The following FAM13C variants were observed in gnomAD, a reference collection of about 807,000 sequenced individuals.
FAM13C encodes the protein family with sequence similarity 13 member C, also known as protein FAM13C.
A neutral mutation model predicts 73.2 loss-of-function variants in FAM13C; 37 were observed. That is an observed-to-expected ratio of 0.51 (90% CI 0.39 to 0.67). FAM13C has a LOEUF of 0.67. Among genes scored for constraint, FAM13C ranks in the 30% least tolerant of loss-of-function variants. The probability of loss-of-function intolerance (pLI) is 0.00; values close to 1 mark genes in which losing one functional copy is unlikely to be tolerated. For synonymous variants in FAM13C, 246 were observed against 260.9 expected (o/e 0.94, Z 0.55); for missense variants, 589 against 715.6 (o/e 0.82, Z 2.02).
At chr10:59,259,740 G>A (rs1438953435) in intron 10 of FAM13C, among the ~76,000 whole-genome samples, 1 of 152,126 alleles carries the variant, frequency 6.6e-6, no homozygotes, top group African/African-American at 2.4e-5. Flanking sequence ...TAATAGAAAT[G>A]ATTGGCATTT....
chr10:59,355,811 G>T, intron 2 of FAM13C, 76 bp downstream of exon 2: 2 of 1,289,502 alleles, frequency 1.6e-6, no homozygotes, highest in Non-Finnish European at 2.3e-6. Context: ...GAAGAGACTA[G>T]AATTCAAAGG....
At chr10:59,296,080 A>G (rs187132144) in intron 5 of FAM13C, among the ~76,000 whole-genome samples, 1 of 152,352 alleles carries the variant, frequency 6.6e-6, no homozygotes, top group Non-Finnish European at 1.5e-5. Flanking sequence ...TACAGAAATA[A>G]TACCATTCAG....
intron 3 of FAM13C, among the ~76,000 whole-genome samples, chr10:59,333,445 TCCA>T (rs1403871482): frequency 6.6e-6 from 1 of 152,036 alleles, no homozygotes; most frequent in African/African-American, 2.4e-5. Context: ...CCAAAATCAC[TCCA>T]CTGCACTCCA....
At chr10:59,305,684 AG>A (rs1848170291) in intron 4 of FAM13C, among the ~76,000 whole-genome samples, 1 of 152,216 alleles carries the variant, frequency 6.6e-6, no homozygotes, top group South Asian at 2.1e-4. Context: ...TAATGAGAAA[AG>A]TTAAGGAGAT....
At chr10:59,358,297 G>A (rs1001924051) in intron 1 of FAM13C, among the ~76,000 whole-genome samples, 3 of 152,178 alleles carry the variant, frequency 2.0e-5, no homozygotes, top group Non-Finnish European at 4.4e-5. Flanking sequence ...AGAACCACTT[G>A]AACTTGGGAG....
rs553733736 is a variant in FAM13C at position 59,282,258 on chromosome 10, C to T, written c.592+1105G>A. ...ACACAAAAAGTGCTTAGAACAGTGC[C>T]AGGATCATAGAATGTTTTAAATAAT... On this transcript the variant is annotated intron_variant, in intron 6 of 13. Coordinates refer to ENST00000618804, the MANE Select transcript of FAM13C (RefSeq NM_198215.4). The T allele has an allele frequency of 3.9e-5, 6 of 152,248 alleles. No homozygotes were observed. The South Asian group carries it at 1.2e-3, about 32-fold the overall frequency. The allele number at this position is 152,248 out of a possible 1,614,324, so 9.4% of individuals were successfully genotyped here. A position where few individuals can be genotyped will look rare whatever the true frequency, so the allele number is the denominator to read the frequency against.
chr10:59,265,114 G>A (rs1375456252), intron 8 of FAM13C, among the ~76,000 whole-genome samples: 1 of 151,948 alleles, frequency 6.6e-6, no homozygotes, highest in Non-Finnish European at 1.5e-5. Context: ...AAAAACTACT[G>A]TGTGACAGGA....
At chr10:59,320,953 AG>A (rs1217871517) in intron 4 of FAM13C, among the ~76,000 whole-genome samples, 1 of 152,204 alleles carries the variant, frequency 6.6e-6, no homozygotes, top group African/African-American at 2.4e-5. Flanking sequence ...TCGAACTTGG[AG>A]GTAGAAAGAC....
chr10:59,270,230 T>C, intron 6 of FAM13C, 121 bp from the exon 7 acceptor site: 1 of 940,014 alleles, frequency 1.1e-6, no homozygotes, highest in Non-Finnish European at 1.6e-6. Flanking sequence ...ATTTCTTCCT[T>C]CTGGGGATAT....
At chr10:59,363,027 G>C (rs1404728636), upstream of FAM13C, 1 of 162,478 alleles carries the variant, frequency 6.2e-6, no homozygotes, top group Non-Finnish European at 1.3e-5. Flanking sequence ...TATTGCTGCT[G>C]TTTGGTGTTT....
intron 3 of FAM13C, among the ~76,000 whole-genome samples, chr10:59,349,878 T>C (rs1270720182): frequency 6.6e-6 from 1 of 152,258 alleles, no homozygotes; most frequent in Non-Finnish European, 1.5e-5. Flanking sequence ...AAGTCCTCTC[T>C]ATACTTCAAC....
At chr10:59,295,865 G>A (rs1846853726) in intron 5 of FAM13C, among the ~76,000 whole-genome samples, 1 of 152,146 alleles carries the variant, frequency 6.6e-6, no homozygotes. Flanking sequence ...CCTGGACCTA[G>A]CCATGCATAG....
chr10:59,280,867 C>G (rs1483882706), intron 6 of FAM13C, among the ~76,000 whole-genome samples: 2 of 152,096 alleles, frequency 1.3e-5, no homozygotes, highest in Non-Finnish European at 2.9e-5. Context: ...AATTTGAAAC[C>G]CACTAGGTCA....
intron 3 of FAM13C, among the ~76,000 whole-genome samples, chr10:59,335,448 T>C (rs569606399): frequency 2.9e-4 from 44 of 152,244 alleles, no homozygotes; most frequent in African/African-American, 1.1e-3. Flanking sequence ...ACCTAGAACA[T>C]TGAACCCAAA....
intron 4 of FAM13C, among the ~76,000 whole-genome samples, chr10:59,317,919 A>T (rs1325816592): frequency 7.7e-6 from 1 of 129,042 alleles, no homozygotes. Flanking sequence ...AACAGTCCCC[A>T]GAGTGTGATG....
At chr10:59,329,413 G>T (rs1229480091) in intron 3 of FAM13C, among the ~76,000 whole-genome samples, 1 of 118,774 alleles carries the variant, frequency 8.4e-6, no homozygotes, top group African/African-American at 3.2e-5. Context: ...AGGCTGGAGC[G>T]CAATGATACG....
intron 13 of FAM13C, among the ~76,000 whole-genome samples, chr10:59,248,588 C>T (rs551345249): frequency 1.3e-5 from 2 of 152,238 alleles, no homozygotes; most frequent in East Asian, 3.9e-4. Flanking sequence ...GAAAACATTT[C>T]CACCCACGAC....
Position 59,252,878 on chromosome 10 carries a change from C to T in FAM13C, c.1453G>A (p.Val485Ile), listed in dbSNP as rs141046953. 6.2e-6 allele frequency: 10 copies of T among 1,614,122 alleles called. No homozygotes were observed. Among genetic ancestry groups the T allele is most frequent in the South Asian group, 1.1e-5 (1 of 91,084 alleles). The change falls in exon 12 of 14, where the codon GTT becomes ATT. Residue 485 changes from valine (V) to isoleucine (I), a missense_variant. Physicochemically the swap from Val to Ile is conservative, Grantham distance 29. Transcript: ENST00000618804. ...HLTYSNETEP[V>I]RALLPDEKKE... ...TTTTCATCTGGTAAAAGGGCCCTAA[C>T]AGGCTCAGTCTCATTAGAGTAGGTG... is the stretch of plus-strand genomic sequence containing the variant.
chr10:59,270,152 G>C (rs772608949), intron 6 of FAM13C, 43 bp from the exon 7 acceptor site: 6 of 1,573,486 alleles, frequency 3.8e-6, no homozygotes, highest in Non-Finnish European at 5.2e-6. Flanking sequence ...AAGTGACAGA[G>C]GGCTTGAGAC....
Sources: gnomAD v4.1 joint callset for allele counts (sites outside exome capture counted in the v4.1 genomes callset) on GRCh38, gnomAD v4.1.1 for gene constraint, MANE v1.5 for transcripts, NCBI Gene and HGNC (gene_info 2026-07-23, HGNC 2026-07-21) for gene names.